MMS22L: variants seen among roughly 807,000 people sequenced by gnomAD.
The protein encoded by MMS22L is MMS22 like, DNA repair protein.
MMS22L carries 74 observed loss-of-function variants against 159.1 expected under a neutral mutation model. That is an observed-to-expected ratio of 0.47 (90% CI 0.39 to 0.56). The LOEUF is 0.56. Among genes scored for constraint, MMS22L ranks in the 20% least tolerant of loss-of-function variants. The probability of loss-of-function intolerance (pLI) is 0.00; values close to 1 mark genes in which losing one functional copy is unlikely to be tolerated. For missense variants in MMS22L, 1,351 were observed against 1,422.1 expected (o/e 0.95, Z 0.80); for synonymous variants, 517 against 506.9 (o/e 1.02, Z -0.27).
chr6:97,275,333 C>G (rs1816148817), intron 4 of MMS22L, among the ~76,000 whole-genome samples: 1 of 151,858 alleles, frequency 6.6e-6, no homozygotes, highest in African/African-American at 2.4e-5. Flanking sequence ...TCAAGATCAT[C>G]CTGGCCAACA....
upstream of MMS22L, among the ~76,000 whole-genome samples, chr6:97,283,974 G>C (rs1368745813): frequency 6.6e-6 from 1 of 152,038 alleles, no homozygotes; most frequent in African/African-American, 2.4e-5. Context: ...AGGAAAATTA[G>C]AAAATACGTT....
intron 9 of MMS22L, among the ~76,000 whole-genome samples, chr6:97,255,524 A>G (rs1027478194): frequency 2.6e-5 from 4 of 151,710 alleles, no homozygotes; most frequent in African/African-American, 7.3e-5. Flanking sequence ...CCTTCTTTGG[A>G]TTTACTATGA....
At chr6:97,231,313 G>C in intron 13 of MMS22L, 113 bp downstream of exon 13, 1 of 739,928 alleles carries the variant, frequency 1.4e-6, no homozygotes, top group Non-Finnish European at 2.2e-6. Flanking sequence ...GGATTACCTA[G>C]TAACATTATA....
intron 14 of MMS22L, among the ~76,000 whole-genome samples, chr6:97,212,237 T>C (rs190971401): frequency 6.6e-6 from 1 of 152,302 alleles, no homozygotes; most frequent in African/African-American, 2.4e-5. Flanking sequence ...GGGCACTCAA[T>C]AAGTGTACTG....
intron 15 of MMS22L, among the ~76,000 whole-genome samples, chr6:97,185,752 C>G (rs936441277): frequency 6.6e-6 from 1 of 152,192 alleles, no homozygotes; most frequent in East Asian, 1.9e-4. Context: ...TGGTTTAAAT[C>G]TTAGGTTTTT....
intron 21 of MMS22L, among the ~76,000 whole-genome samples, chr6:97,164,138 A>C (rs1355876356): frequency 1.3e-5 from 2 of 151,908 alleles, no homozygotes; most frequent in Non-Finnish European, 2.9e-5. Context: ...ATAATGCACT[A>C]AGGGAAGAGA....
In MMS22L at chr6:97,253,355, A is replaced by G. The variant is rs549156958; in HGVS notation, c.1119+1202T>C. On this transcript the variant is annotated intron_variant, in intron 10 of 24. Transcript: ENST00000683635. ...ATTAAAGAATATGTTTCATAAAGCA[A>G]TGGCTCCCATACCTCGTAGAGGATG... is the stretch of plus-strand genomic sequence containing the variant. 4 of 152,302 alleles carry G rather than the reference A, an allele frequency of 2.6e-5. No individual in the cohort carries two copies. In the South Asian group the frequency reaches 8.3e-4, roughly 32 times the overall value. 9.4% of individuals were successfully genotyped at this position (152,302 alleles called of 1,614,324 possible).
chr6:97,209,414 C>T (rs1414455849), intron 14 of MMS22L, among the ~76,000 whole-genome samples: 1 of 151,864 alleles, frequency 6.6e-6, no homozygotes, highest in East Asian at 1.9e-4. Flanking sequence ...TTCTCATATC[C>T]TATCTAGTAC....
rs1582715455 is a variant in MMS22L at position 97,231,452 on chromosome 6, A to T, written c.1503T>A (p.Pro501=). The change falls in exon 13 of 25, where the codon CCT becomes CCA. Residue 501 remains proline, a synonymous_variant. Transcript: ENST00000683635. ...VVKKAMKSNG[P]HPWKQVKGRI... is the part of the protein sequence containing the mutation. ...TTCCTTTGACTTGTTTCCAAGGATG[A>T]GGGCCATTGCTCTTCATTGCTTTTT... 6.2e-7 allele frequency: 1 copy of T among 1,613,550 alleles called. No individual in the cohort carries two copies. Among genetic ancestry groups the T allele is most frequent in the East Asian group, 2.2e-5 (1 of 44,830 alleles).
intron 14 of MMS22L, among the ~76,000 whole-genome samples, chr6:97,207,529 C>T (rs186637701): frequency 6.0e-4 from 92 of 152,284 alleles, no homozygotes; most frequent in Non-Finnish European, 1.1e-3. Context: ...AAAGGGAACT[C>T]TCAGAAGCTG....
chr6:97,167,881 T>A (rs1803131567), intron 20 of MMS22L, among the ~76,000 whole-genome samples, 190 bp downstream of exon 20: 1 of 152,046 alleles, frequency 6.6e-6, no homozygotes, highest in Non-Finnish European at 1.5e-5. Context: ...AACTTTAAGC[T>A]CCTCTGCTTT....
At chr6:97,194,527 TA>T (rs1422905740) in intron 14 of MMS22L, among the ~76,000 whole-genome samples, 1 of 152,214 alleles carries the variant, frequency 6.6e-6, no homozygotes, top group African/African-American at 2.4e-5. Context: ...ATATTTTCAA[TA>T]AACAATCTTT....
chr6:97,256,985 T>C (rs1287950433), intron 9 of MMS22L, among the ~76,000 whole-genome samples: 1 of 152,182 alleles, frequency 6.6e-6, no homozygotes, highest in East Asian at 1.9e-4. Flanking sequence ...CATTTTTCTG[T>C]AAGATGCTTT....
At chr6:97,254,516 A>G in intron 10 of MMS22L, 41 bp downstream of exon 10, 1 of 1,511,918 alleles carries the variant, frequency 6.6e-7, no homozygotes, top group Non-Finnish European at 9.1e-7. Flanking sequence ...ATTACATATT[A>G]ATTGACAATA....
chr6:97,196,867 T>C (rs1806576851), intron 14 of MMS22L, among the ~76,000 whole-genome samples: 2 of 152,140 alleles, frequency 1.3e-5, no homozygotes, highest in African/African-American at 4.8e-5. Context: ...TATAGATACA[T>C]AATTATATCT....
Position 97,213,056 on chromosome 6 carries a change from CGT to C in MMS22L, c.2039+15836_2039+15837del, listed in dbSNP as rs754364178. Among the ~76,000 whole-genome samples the C allele has an allele frequency of 1.1e-4, 17 of 151,652 alleles. No homozygotes were observed. In the East Asian group the frequency reaches 1.5e-3, roughly 14 times the overall value. On this transcript the variant is annotated intron_variant, in intron 14 of 24. Transcript: ENST00000683635. ...CATGAGCACATTGTGTGTGTGTGTG[CGT>C]GTGTGTGTGTCTGTAGACAGAGTAA... is the stretch of plus-strand genomic sequence containing the variant.
chr6:97,282,557 TTG>T lies in MMS22L; in HGVS notation c.-76-6_-76-5del, dbSNP rs1491583079. 1.6e-4 allele frequency: 2 copies of T among 12,444 alleles called. No individual in the cohort carries two copies. Among genetic ancestry groups the T allele is most frequent in the African/African-American group, 7.6e-4 (2 of 2,636 alleles). The allele number at this position is 12,444 out of a possible 1,614,324, so 0.8% of individuals were successfully genotyped here. ...AAGAGAAGGTGTGAAGAGATTCCTG[TTG>T]GGGGGGGGGGGGTGGGGCCGAGAGA... On this transcript the variant is annotated splice_polypyrimidine_tract_variant and splice_region_variant and intron_variant, in intron 1 of 24. Transcript: ENST00000683635.
chr6:97,186,669 A>G lies in MMS22L; in HGVS notation c.2061T>C (p.Cys687=), dbSNP rs1476749918. Residue 687 remains cysteine (C), a synonymous_variant, in exon 15 of 25, where the codon TGT becomes TGC. Coordinates refer to ENST00000683635, the MANE Select transcript of MMS22L (RefSeq NM_001350599.2). ...CCACATTGTCCCTTTGAAGTTCCTG[A>G]CACAATTGTTGATGCATACTCCTAA... is the stretch of plus-strand genomic sequence containing the variant. ...ARIRSMHQQL[C]QELQRDNVDL... is the part of the protein sequence containing the mutation. 4 of 1,565,206 alleles carry G rather than the reference A, an allele frequency of 2.6e-6. No homozygotes were observed. Among genetic ancestry groups the G allele is most frequent in the Non-Finnish European group, 3.5e-6 (4 of 1,157,392 alleles).
At position 97,234,428 on chromosome 6, in the gene MMS22L, A is replaced by G. The variant is rs570365796; in HGVS notation, c.1183-448T>C. ...TTCTTTCTAAAACCAAAGGATTGTC[A>G]GAGTACATCTATTTTAACCTTTTAG... On this transcript the variant is annotated intron_variant, in intron 11 of 24. Transcript: ENST00000683635. Among the ~76,000 whole-genome samples, 34 of 151,310 alleles carry G rather than the reference A, an allele frequency of 2.2e-4. No homozygotes were observed. The South Asian group carries it at 6.9e-3, about 31-fold the overall frequency.
Sources: allele counts gnomAD v4.1 joint callset (sites outside exome capture counted in the v4.1 genomes callset), GRCh38; gene constraint gnomAD v4.1.1; transcripts MANE v1.5; gene names NCBI Gene and HGNC (gene_info 2026-07-23, HGNC 2026-07-21).